The following JRK variants were observed in gnomAD, a reference collection of about 807,000 sequenced individuals.
JRK encodes jerky protein homolog.
For missense variants in JRK, 720 were observed against 509.2 expected (o/e 1.41, Z -3.98); for synonymous variants, 303 against 218.1 (o/e 1.39, Z -3.43).
chr8:142,668,850 C>T (rs1389699220), intron 1 of JRK, among the ~76,000 whole-genome samples: 2 of 151,634 alleles, frequency 1.3e-5, no homozygotes, highest in Non-Finnish European at 2.9e-5. Flanking sequence ...ACAAGGAGCC[C>T]GTGTCTGGTG....
intron 1 of JRK, among the ~76,000 whole-genome samples, 183 bp downstream of exon 1, chr8:142,669,749 G>A (rs1847266327): frequency 6.7e-6 from 1 of 149,364 alleles, no homozygotes; most frequent in South Asian, 2.1e-4. Context: ...GGGAGGGGGC[G>A]CTGCCGCCCG....
the JRK span, among the ~76,000 whole-genome samples, chr8:142,644,801 A>G: frequency 6.6e-6 from 1 of 152,252 alleles, no homozygotes; most frequent in African/African-American, 2.4e-5. Flanking sequence ...AAAATTTTAT[A>G]AACAACTTAT....
Position 142,664,922 on chromosome 8 carries a change from CCTGAAGACGTGGCTAGGGA to C in JRK, c.1118_1136del (p.Val373GlyfsTer30). On this transcript the variant is annotated frameshift_variant, in exon 2 of 2. Transcript: ENST00000612905. LOFTEE classifies it low-confidence loss of function (END_TRUNC). ...ACGGCCACAGCTTCCTCCAGGCCCG[CCTGAAGACGTGGCTAGGGA>C]CTGCGTTCCAGGCACAGGCCACGCT... 1 of 939,022 alleles carries C rather than the reference CCTGAAGACGTGGCTAGGGA, an allele frequency of 1.1e-6. No individual in the cohort carries two copies. The highest frequency in any genetic ancestry group is 2.4e-5 in the East Asian group (1 of 41,162). The allele number at this position is 939,022 out of a possible 1,614,324, so 58.2% of individuals were successfully genotyped here. A position where few individuals can be genotyped will look rare whatever the true frequency, so the allele number is the denominator to read the frequency against.
At position 142,660,955 on chromosome 8, in the gene JRK, G is replaced by A. The variant is rs1265263581; in HGVS notation, c.*3397C>T. 1.4e-5 allele frequency: 14 copies of A among 985,382 alleles called. No individual in the cohort carries two copies. The African/African-American group carries it at 1.6e-4, about 11-fold the overall frequency. The allele number at this position is 985,382 out of a possible 1,614,324, so 61.0% of individuals were successfully genotyped here. Reference sequence around the variant, plus strand: ...GACAGTCCTCCAACCCCAGCGAGCTGGGGAAGCCGTGGGCAGGGGCTGCGA... The same window carrying A: ...GACAGTCCTCCAACCCCAGCGAGCTAGGGAAGCCGTGGGCAGGGGCTGCGA... On this transcript the variant is annotated 3_prime_UTR_variant, in exon 2 of 2. Transcript: ENST00000612905.
Position 142,663,837 on chromosome 8 carries a change from G to A in JRK, c.*515C>T, listed in dbSNP as rs1039906765. On this transcript the variant is annotated 3_prime_UTR_variant, in exon 2 of 2. Coordinates refer to ENST00000612905, the MANE Select transcript of JRK (RefSeq NM_003724.4). ...ACTGAGTCCCAGCTCTCGGGCCATC[G>A]GACCTCAGGCAACCGTGCTCGGGGT... 16 of 986,924 alleles carry A rather than the reference G, an allele frequency of 1.6e-5. No homozygotes were observed. The African/African-American group carries it at 2.4e-4, about 15-fold the overall frequency. The allele number at this position is 986,924 out of a possible 1,614,324, so 61.1% of individuals were successfully genotyped here.
chr8:142,656,556 T>C (rs587610242), downstream of JRK, among the ~76,000 whole-genome samples: 45 of 152,358 alleles, frequency 3.0e-4, no homozygotes, highest in Non-Finnish European at 6.3e-4. Flanking sequence ...GTGATACTTT[T>C]ACCAGCCAGA....
At position 142,659,025 on chromosome 8, in the gene JRK, A is replaced by G; in HGVS notation, c.*5327T>C. The stretch of plus-strand genomic sequence containing the variant: ...AGGGGTGTAGTCACTTCCCTCTGCC[A>G]GGGAGAATGGTGGAGGAAGAATGGA... On this transcript the variant is annotated 3_prime_UTR_variant, in exon 2 of 2. Coordinates refer to ENST00000612905, the MANE Select transcript of JRK (RefSeq NM_003724.4). 2 of 1,498,762 alleles carry G rather than the reference A, an allele frequency of 1.3e-6. No homozygotes were observed. The highest frequency in any genetic ancestry group is 4.4e-5 in the Admixed American group (2 of 45,972). The allele number at this position is 1,498,762 out of a possible 1,614,324, so 92.8% of individuals were successfully genotyped here. A position where few individuals can be genotyped will look rare whatever the true frequency, so the allele number is the denominator to read the frequency against.
chr8:142,652,751 T>C (rs985311325), downstream of JRK, among the ~76,000 whole-genome samples: 1 of 152,178 alleles, frequency 6.6e-6, no homozygotes, highest in African/African-American at 2.4e-5. Flanking sequence ...TCCTTTCACA[T>C]AATCAATTTA....
At position 142,662,441 on chromosome 8, in the gene JRK, C is replaced by A; in HGVS notation, c.*1911G>T. 1 of 979,502 alleles carries A rather than the reference C, an allele frequency of 1.0e-6. No homozygotes were observed. Among genetic ancestry groups the A allele is most frequent in the Non-Finnish European group, 1.2e-6 (1 of 828,068 alleles). 60.7% of individuals were successfully genotyped at this position (979,502 alleles called of 1,614,324 possible). On this transcript the variant is annotated 3_prime_UTR_variant, in exon 2 of 2. Coordinates refer to ENST00000612905, the MANE Select transcript of JRK (RefSeq NM_003724.4). ...TTAAGAGGCTCTATTAGGAGTGACACGTGAGCCCAGAAATGGCACAAAGTA... is the reference window on the plus strand; with the variant it reads ...TTAAGAGGCTCTATTAGGAGTGACAAGTGAGCCCAGAAATGGCACAAAGTA...
At chr8:142,668,080 G>T (rs1554636538) in intron 1 of JRK, among the ~76,000 whole-genome samples, 1 of 152,226 alleles carries the variant, frequency 6.6e-6, no homozygotes, top group East Asian at 1.9e-4. Flanking sequence ...ATGGGCAGGG[G>T]TCTCCCTGCC....
rs782463963 is a variant in JRK, at chr8:142,664,938, G to A, written c.1121C>T (p.Pro374Leu). 1 of 855,854 alleles carries A rather than the reference G, an allele frequency of 1.2e-6. No homozygotes were observed. Among genetic ancestry groups the A allele is most frequent in the Non-Finnish European group, 2.0e-6 (1 of 496,826 alleles). The allele number at this position is 855,854 out of a possible 1,614,324, so 53.0% of individuals were successfully genotyped here. Residue 374 changes from proline (P) to leucine (L), a missense_variant, in exon 2 of 2, where the codon CCT (proline) becomes CTT (leucine). By Grantham distance (98) the Pro-to-Leu change is moderately conservative. Coordinates refer to ENST00000612905, the MANE Select transcript of JRK (RefSeq NM_003724.4). ...CCAGGCCCGCCTGAAGACGTGGCTA[G>A]GGACTGCGTTCCAGGCACAGGCCAC... The part of the protein sequence containing the change: ...FSVACAWNAV[P>L]SHVFRRAWRK...
At chr8:142,652,770 GAA>G (rs1846689316), downstream of JRK, among the ~76,000 whole-genome samples, 1 of 152,148 alleles carries the variant, frequency 6.6e-6, no homozygotes, top group Admixed American at 6.5e-5. Flanking sequence ...TACAGAACAA[GAA>G]AAAAGAGAAA....
chr8:142,654,232 C>A (rs1311696858), downstream of JRK, among the ~76,000 whole-genome samples: 1 of 152,142 alleles, frequency 6.6e-6, no homozygotes, highest in East Asian at 1.9e-4. Flanking sequence ...GTACCCTGAC[C>A]TCTCACACTA....
Position 142,664,094 on chromosome 8 carries a change from C to T in JRK, c.*258G>A. On this transcript the variant is annotated 3_prime_UTR_variant, in exon 2 of 2. Transcript: ENST00000612905. ...GGGTGCGGCTCTGGCTTGTTCTAGG[C>T]TAGGGTGGACCCTTCCAAAACATTT... 7.8e-7 allele frequency: 1 copy of T among 1,287,348 alleles called. No individual in the cohort carries two copies. 79.7% of individuals were successfully genotyped at this position (1,287,348 alleles called of 1,614,324 possible).
the JRK span, among the ~76,000 whole-genome samples, chr8:142,650,927 C>T: frequency 6.6e-6 from 1 of 152,120 alleles, no homozygotes; most frequent in African/African-American, 2.4e-5. Context: ...TCTTGGGGTT[C>T]CATAAGGAAA....
the JRK span, among the ~76,000 whole-genome samples, chr8:142,651,552 T>G: frequency 3.0e-5 from 3 of 99,746 alleles, no homozygotes; most frequent in Admixed American, 1.2e-4. Flanking sequence ...TTTTTTTTTT[T>G]TTTTTTTGGT....
rs887987575 is a variant in JRK, at chr8:142,661,530, G to A, written c.*2822C>T. On this transcript the variant is annotated 3_prime_UTR_variant, in exon 2 of 2. Coordinates refer to ENST00000612905, the MANE Select transcript of JRK (RefSeq NM_003724.4). ...TCCCAAACCATATGACGCAGCACCT[G>A]CTACCCCACGAGCCACTGGAAAACT... is the stretch of plus-strand genomic sequence containing the variant. 4 of 985,370 alleles carry A rather than the reference G, an allele frequency of 4.1e-6. No homozygotes were observed. The Admixed American group carries it at 1.8e-4, about 45-fold the overall frequency. 61.0% of individuals were successfully genotyped at this position (985,370 alleles called of 1,614,324 possible). A position where few individuals can be genotyped will look rare whatever the true frequency, so the allele number is the denominator to read the frequency against.
At chr8:142,652,988 G>A (rs928820345), downstream of JRK, among the ~76,000 whole-genome samples, 11 of 152,176 alleles carry the variant, frequency 7.2e-5, no homozygotes, top group Non-Finnish European at 1.2e-4. Flanking sequence ...GATATGCAGC[G>A]GCTCCCCACA....
In JRK at chr8:142,662,951, A is replaced by C. The variant is rs2129732220; in HGVS notation, c.*1401T>G. 1 of 789,754 alleles carries C rather than the reference A, an allele frequency of 1.3e-6. No homozygotes were observed. The highest frequency in any genetic ancestry group is 6.2e-5 in the Admixed American group (1 of 16,030). The allele number at this position is 789,754 out of a possible 1,614,324, so 48.9% of individuals were successfully genotyped here. A position where few individuals can be genotyped will look rare whatever the true frequency, so the allele number is the denominator to read the frequency against. On this transcript the variant is annotated 3_prime_UTR_variant, in exon 2 of 2. Transcript: ENST00000612905. ...GAGGAAGGAGGATCGCTTGAGGCCA[A>C]GAGTTCAAGACCAGCCTGGGCAACA...
Sources: allele counts gnomAD v4.1 joint callset (sites outside exome capture counted in the v4.1 genomes callset), GRCh38; gene constraint gnomAD v4.1.1; transcripts MANE v1.5; gene names NCBI Gene and HGNC (gene_info 2026-07-23, HGNC 2026-07-21).